The following GSG1L variants were observed in gnomAD, a reference collection of about 807,000 sequenced individuals.
The protein encoded by GSG1L is germ cell-specific gene 1-like protein.
In GSG1L, 24 loss-of-function variants were observed where a neutral mutation model predicts 42.1. That is an observed-to-expected ratio of 0.57 (90% CI 0.41 to 0.80). GSG1L has a LOEUF of 0.80. GSG1L is among the 30% of genes least tolerant of loss of function. The pLI is 0.00. For synonymous variants in GSG1L, 215 were observed against 203.5 expected (o/e 1.06, Z -0.48); for missense variants, 445 against 472.2 (o/e 0.94, Z 0.53).
intron 2 of GSG1L, among the ~76,000 whole-genome samples, chr16:27,911,280 T>TCTCTCTCTCTCTCTCTCTCTCTCTC (rs150893140): frequency 6.9e-6 from 1 of 144,180 alleles, no homozygotes; most frequent in Non-Finnish European, 1.5e-5. Flanking sequence ...TCTCTCTCTC[T>TCTCTCTCTCTCTCTCTCTCTCTCTC]CTCTCTCTCT....
intron 6 of GSG1L, among the ~76,000 whole-genome samples, chr16:27,801,256 T>C (rs1360406046): frequency 6.6e-6 from 1 of 152,152 alleles, no homozygotes; most frequent in Non-Finnish European, 1.5e-5. Context: ...CAAGATCTAA[T>C]TGCCAAGCTG....
intron 1 of GSG1L, among the ~76,000 whole-genome samples, chr16:28,015,223 G>A (rs1397475352): frequency 6.6e-6 from 1 of 152,016 alleles, no homozygotes; most frequent in Non-Finnish European, 1.5e-5. Context: ...GTGGGATGGG[G>A]CTGGGCACAG....
At chr16:27,913,239 C>CAAAA (rs1202956584) in intron 2 of GSG1L, among the ~76,000 whole-genome samples, 1 of 152,016 alleles carries the variant, frequency 6.6e-6, no homozygotes, top group African/African-American at 2.4e-5. Flanking sequence ...CAAAGATAAG[C>CAAAA]AAAAAGATAC....
chr16:27,794,881 C>T (rs1191340330), intron 6 of GSG1L, among the ~76,000 whole-genome samples: 1 of 152,038 alleles, frequency 6.6e-6, no homozygotes, highest in African/African-American at 2.4e-5. Flanking sequence ...TGTTGACTCC[C>T]TGATTTTTTC....
intron 5 of GSG1L, among the ~76,000 whole-genome samples, chr16:27,819,021 GA>G (rs1277134464): frequency 6.6e-6 from 1 of 152,118 alleles, no homozygotes; most frequent in Non-Finnish European, 1.5e-5. Context: ...AGGCCGAGGC[GA>G]GTGGATCACA....
chr16:28,027,006 C>T (rs757925838), intron 1 of GSG1L, among the ~76,000 whole-genome samples: 41 of 152,196 alleles, frequency 2.7e-4, no homozygotes, highest in Admixed American at 7.8e-4. Context: ...TGCTTGAACC[C>T]GGGAGATGGA....
At chr16:27,959,936 C>A (rs543955026) in intron 2 of GSG1L, among the ~76,000 whole-genome samples, 1 of 152,234 alleles carries the variant, frequency 6.6e-6, no homozygotes, top group Admixed American at 6.5e-5. Flanking sequence ...ATGTAAAACA[C>A]AAAACTAGAA....
intron 3 of GSG1L, among the ~76,000 whole-genome samples, chr16:27,870,697 C>T (rs144786556): frequency 8.6e-5 from 13 of 151,700 alleles, no homozygotes; most frequent in African/African-American, 2.4e-4. Context: ...TCCTTCAATG[C>T]TCTTGCCCTC....
intron 1 of GSG1L, among the ~76,000 whole-genome samples, chr16:28,057,189 G>A (rs2086289159): frequency 6.6e-6 from 1 of 152,160 alleles, no homozygotes; most frequent in South Asian, 2.1e-4. Flanking sequence ...GGTCCGGAGT[G>A]GGGAACGGGG....
intron 6 of GSG1L, among the ~76,000 whole-genome samples, chr16:27,803,776 TATATATATATATATATATAGATAGATAG>T (rs1423477795): frequency 2.0e-4 from 14 of 70,848 alleles, no homozygotes; most frequent in African/African-American, 3.5e-4. Flanking sequence ...CATATATATA[TATATATATATATATATATAGATAGATAG>T]ATATAGATAT....
intron 2 of GSG1L, among the ~76,000 whole-genome samples, chr16:27,927,679 TC>T (rs1377183790): frequency 6.6e-6 from 1 of 152,104 alleles, no homozygotes; most frequent in Non-Finnish European, 1.5e-5. Flanking sequence ...TCCTCAGTGC[TC>T]CACCCAGCCA....
At chr16:27,967,130 G>A (rs753177070) in intron 1 of GSG1L, among the ~76,000 whole-genome samples, 42 of 152,328 alleles carry the variant, frequency 2.8e-4, no homozygotes, top group Admixed American at 6.5e-4. Context: ...AATGTGGGTA[G>A]AAGAGTCAAA....
chr16:27,911,006 C>A (rs949627829), intron 2 of GSG1L, among the ~76,000 whole-genome samples: 3 of 152,046 alleles, frequency 2.0e-5, no homozygotes, highest in Non-Finnish European at 4.4e-5. Context: ...GAGCAAGAAC[C>A]TGTCTAAAAA....
intron 5 of GSG1L, among the ~76,000 whole-genome samples, chr16:27,813,991 C>T (rs1435862264): frequency 6.6e-6 from 1 of 152,188 alleles, no homozygotes; most frequent in East Asian, 1.9e-4. Context: ...CACTGCCACC[C>T]TGGTTGTTGT....
chr16:27,805,969 T>C (rs2082956908), intron 6 of GSG1L, among the ~76,000 whole-genome samples: 1 of 151,980 alleles, frequency 6.6e-6, no homozygotes, highest in South Asian at 2.1e-4. Flanking sequence ...CCGCCTATTC[T>C]GCAGGGAGCC....
chr16:27,832,385 G>A (rs1202064924), intron 4 of GSG1L, among the ~76,000 whole-genome samples: 1 of 152,082 alleles, frequency 6.6e-6, no homozygotes, highest in Non-Finnish European at 1.5e-5. Context: ...CTTCCCTCCT[G>A]ACCTCCCACA....
At chr16:27,892,902 T>A (rs1028013833) in intron 2 of GSG1L, among the ~76,000 whole-genome samples, 1 of 152,056 alleles carries the variant, frequency 6.6e-6, no homozygotes, top group African/African-American at 2.4e-5. Flanking sequence ...AATTAAACAT[T>A]CGGGAACCAA....
chr16:27,958,428 G>GA (rs1030582358), intron 2 of GSG1L, among the ~76,000 whole-genome samples: 3 of 123,882 alleles, frequency 2.4e-5, no homozygotes, highest in East Asian at 2.3e-4. Context: ...AAAAAAAAAA[G>GA]AAAAGAAAAC....
intron 1 of GSG1L, among the ~76,000 whole-genome samples, chr16:28,045,511 CA>C (rs1314247761): frequency 6.6e-6 from 1 of 151,844 alleles, no homozygotes; most frequent in Non-Finnish European, 1.5e-5. Context: ...CCTGTCTCTA[CA>C]AAAAATACAA....
Sources: gnomAD v4.1 joint callset for allele counts (sites outside exome capture counted in the v4.1 genomes callset) on GRCh38, gnomAD v4.1.1 for gene constraint, MANE v1.5 for transcripts, NCBI Gene and HGNC (gene_info 2026-07-23, HGNC 2026-07-21) for gene names.